GFOD1: variants seen among roughly 807,000 people sequenced by gnomAD.
GFOD1 encodes the protein Gfo/Idh/MocA-like oxidoreductase domain containing 1.
A neutral mutation model predicts 25.4 loss-of-function variants in GFOD1; 9 were observed. The ratio of observed to expected loss-of-function variants is 0.35; its 90% CI spans 0.21 to 0.62. GFOD1 has a LOEUF of 0.62. Ranked by LOEUF, GFOD1 falls within the 20% of genes least tolerant of loss-of-function variation. The pLI is 0.72. For synonymous variants in GFOD1, 253 were observed against 245.6 expected (o/e 1.03, Z -0.28); for missense variants, 403 against 556.9 (o/e 0.72, Z 2.78).
At chr6:13,416,286 G>C (rs1469846139) in intron 1 of GFOD1, among the ~76,000 whole-genome samples, 1 of 152,150 alleles carries the variant, frequency 6.6e-6, no homozygotes, top group Non-Finnish European at 1.5e-5. Context: ...CCAGTCTCAA[G>C]TATGCTTTAT....
intron 1 of GFOD1, among the ~76,000 whole-genome samples, chr6:13,455,609 G>A (rs1262438887): frequency 6.6e-6 from 1 of 152,196 alleles, no homozygotes; most frequent in Non-Finnish European, 1.5e-5. Flanking sequence ...GCTACTGCCT[G>A]TCAGCAGCAC....
chr6:13,376,749 G>A (rs1416897803), intron 1 of GFOD1, among the ~76,000 whole-genome samples: 3 of 152,132 alleles, frequency 2.0e-5, no homozygotes, highest in Admixed American at 6.6e-5. Flanking sequence ...CTCTTCCCAA[G>A]CATGGCGTGA....
intron 1 of GFOD1, among the ~76,000 whole-genome samples, chr6:13,423,365 T>TC (rs1786293648): frequency 6.6e-6 from 1 of 152,164 alleles, no homozygotes; most frequent in Non-Finnish European, 1.5e-5. Context: ...ATCTGTGTAA[T>TC]ATGCCTGACA....
intron 1 of GFOD1, among the ~76,000 whole-genome samples, chr6:13,400,275 C>G (rs1785816880): frequency 6.6e-6 from 1 of 152,168 alleles, no homozygotes; most frequent in East Asian, 1.9e-4. Flanking sequence ...TAGCCACTGC[C>G]CTGAAATGCC....
chr6:13,473,532 G>A lies in GFOD1; in HGVS notation c.253+13106C>T, dbSNP rs185681177. Among the ~76,000 whole-genome samples, 176 of 152,362 alleles carry A rather than the reference G, an allele frequency of 1.2e-3. 4 individuals are homozygous for A. The South Asian group carries it at 0.02, about 18-fold the overall frequency. ...TTGTGGCTGTCACCATTTGAGATAC[G>A]AAGGGAAAGAAAGATGCAAGTGACA... On this transcript the variant is annotated intron_variant, in intron 1 of 1. Coordinates refer to ENST00000379287, the MANE Select transcript of GFOD1 (RefSeq NM_018988.4).
At chr6:13,412,309 C>T (rs372404525) in intron 1 of GFOD1, among the ~76,000 whole-genome samples, 26 of 152,118 alleles carry the variant, frequency 1.7e-4, no homozygotes, top group African/African-American at 4.6e-4. Context: ...GAGGAGATGA[C>T]GCAGACACAA....
chr6:13,378,191 A>T (rs1785291396), intron 1 of GFOD1, among the ~76,000 whole-genome samples: 1 of 152,220 alleles, frequency 6.6e-6, no homozygotes, highest in South Asian at 2.1e-4. Flanking sequence ...AAGGTCAGAG[A>T]TATGTGCAGA....
At chr6:13,394,864 C>T (rs1785696003) in intron 1 of GFOD1, among the ~76,000 whole-genome samples, 1 of 151,998 alleles carries the variant, frequency 6.6e-6, no homozygotes, top group Admixed American at 6.6e-5. Flanking sequence ...AACTCCTGAC[C>T]TCAACTGATC....
intron 1 of GFOD1, among the ~76,000 whole-genome samples, chr6:13,483,099 G>T (rs929137026): frequency 3.9e-5 from 6 of 152,000 alleles, no homozygotes; most frequent in Non-Finnish European, 5.9e-5. Flanking sequence ...TGTACCACAT[G>T]AATATATAGC....
At chr6:13,468,523 C>G (rs371028705) in intron 1 of GFOD1, among the ~76,000 whole-genome samples, 1 of 152,150 alleles carries the variant, frequency 6.6e-6, no homozygotes, top group Admixed American at 6.5e-5. Flanking sequence ...AGTCAACCGC[C>G]TCGTTTTCTT....
chr6:13,387,118 T>A (rs2439536), intron 1 of GFOD1, among the ~76,000 whole-genome samples: 1 of 151,980 alleles, frequency 6.6e-6, no homozygotes, highest in East Asian at 1.9e-4. Flanking sequence ...ACACAAGAAA[T>A]TGAAATTGCA....
chr6:13,387,340 CT>C (rs1584619613), intron 1 of GFOD1, among the ~76,000 whole-genome samples: 2 of 152,234 alleles, frequency 1.3e-5, no homozygotes, highest in Non-Finnish European at 1.5e-5. Context: ...GCCAATATCC[CT>C]GATGAACATC....
At chr6:13,425,482 G>A (rs1282760146) in intron 1 of GFOD1, among the ~76,000 whole-genome samples, 1 of 152,186 alleles carries the variant, frequency 6.6e-6, no homozygotes, top group African/African-American at 2.4e-5. Flanking sequence ...AGCTAAAATA[G>A]ACAGGATTAG....
intron 1 of GFOD1, among the ~76,000 whole-genome samples, chr6:13,407,266 CT>C (rs1785963979): frequency 6.6e-6 from 1 of 152,264 alleles, no homozygotes; most frequent in African/African-American, 2.4e-5. Context: ...AAATTGTATG[CT>C]TGGGATCTAT....
At chr6:13,464,982 T>G (rs1758354571) in intron 1 of GFOD1, among the ~76,000 whole-genome samples, 1 of 152,110 alleles carries the variant, frequency 6.6e-6, no homozygotes. Context: ...CAAGGCTCTC[T>G]GAAATGCTAC....
intron 1 of GFOD1, among the ~76,000 whole-genome samples, chr6:13,448,916 A>G (rs1758050099): frequency 6.6e-6 from 1 of 152,198 alleles, no homozygotes; most frequent in African/African-American, 2.4e-5. Flanking sequence ...TAACGCTGGA[A>G]TACAGAGAGG....
chr6:13,370,952 C>T (rs866177076), intron 1 of GFOD1, among the ~76,000 whole-genome samples: 1 of 152,206 alleles, frequency 6.6e-6, no homozygotes, highest in African/African-American at 2.4e-5. Context: ...GCTTTGGACT[C>T]GGCTCTCCAG....
intron 1 of GFOD1, among the ~76,000 whole-genome samples, chr6:13,428,514 C>T (rs1262387876): frequency 9.0e-6 from 1 of 110,892 alleles, no homozygotes; most frequent in African/African-American, 8.1e-5. Flanking sequence ...CAGTGCGATG[C>T]GATGCGCTGG....
chr6:13,452,087 G>A (rs1758108170), intron 1 of GFOD1, among the ~76,000 whole-genome samples: 1 of 152,302 alleles, frequency 6.6e-6, no homozygotes, highest in South Asian at 2.1e-4. Flanking sequence ...GGCAAAGGAA[G>A]AAAACTCCTG....
Sources: allele counts gnomAD v4.1 joint callset (sites outside exome capture counted in the v4.1 genomes callset), GRCh38; gene constraint gnomAD v4.1.1; transcripts MANE v1.5; gene names NCBI Gene and HGNC (gene_info 2026-07-23, HGNC 2026-07-21).